Variants in CDH13 observed in about 807,000 individuals in gnomAD.
The protein encoded by CDH13 is cadherin 13, also known as cadherin-13.
In CDH13, 24 loss-of-function variants were observed where a neutral mutation model predicts 63.8. The ratio of observed to expected loss-of-function variants is 0.38; its 90% CI spans 0.27 to 0.53. The LOEUF is 0.53. Ranked by LOEUF, CDH13 falls within the 20% of genes least tolerant of loss-of-function variation. The probability of loss-of-function intolerance (pLI) is 0.85; values close to 1 mark genes in which losing one functional copy is unlikely to be tolerated. For synonymous variants in CDH13, 503 were observed against 355.3 expected (o/e 1.42, Z -4.67); for missense variants, 1,049 against 903.1 (o/e 1.16, Z -2.07).
intron 6 of CDH13, among the ~76,000 whole-genome samples, chr16:83,437,046 G>A (rs1293452763): frequency 6.6e-6 from 1 of 152,074 alleles, no homozygotes; most frequent in Non-Finnish European, 1.5e-5. Context: ...TCCCTTGGCT[G>A]TCCTTGAGGC....
At position 83,782,228 on chromosome 16, in the gene CDH13, A is replaced by T. The variant is rs948850644; in HGVS notation, c.1916-1026A>T. On this transcript the variant is annotated intron_variant, in intron 12 of 13. Coordinates refer to ENST00000567109, the MANE Select transcript of CDH13 (RefSeq NM_001257.5). ...CCCAGAAAGGGGCACTTAAAAATAC[A>T]TATGACCCTAATCATGTGAGTGACT... Among the ~76,000 whole-genome samples the T allele has an allele frequency of 2.0e-5, 3 of 152,180 alleles. No homozygotes were observed. The South Asian group carries it at 6.2e-4, about 31-fold the overall frequency.
At chr16:83,589,070 C>T (rs961833499) in intron 7 of CDH13, among the ~76,000 whole-genome samples, 1 of 152,204 alleles carries the variant, frequency 6.6e-6, no homozygotes. Flanking sequence ...TGGGCCAAAA[C>T]CGAGGTGTCA....
In CDH13 at chr16:83,757,856, T is replaced by C. The variant is rs532202276; in HGVS notation, c.1681+9606T>C. 2.8e-3 allele frequency among the ~76,000 whole-genome samples: 429 copies of C among 152,016 alleles called. 2 individuals are homozygous for C. The highest frequency in any genetic ancestry group is 4.6e-3 in the Non-Finnish European group (315 of 67,966). On this transcript the variant is annotated intron_variant, in intron 11 of 13. Coordinates refer to ENST00000567109, the MANE Select transcript of CDH13 (RefSeq NM_001257.5). The stretch of plus-strand genomic sequence containing the variant: ...AAATAACCTAAAAAGAGGCTGGGCA[T>C]GGTAGCTAATGCCTGTAATCCCAGC...
chr16:83,719,030 G>A (rs753102321), intron 10 of CDH13, among the ~76,000 whole-genome samples: 5 of 152,198 alleles, frequency 3.3e-5, no homozygotes, highest in Non-Finnish European at 7.3e-5. Context: ...CATTTGGCCT[G>A]ATATGCACTG....
At chr16:83,286,707 G>T (rs563786450) in intron 5 of CDH13, among the ~76,000 whole-genome samples, 18 of 149,832 alleles carry the variant, frequency 1.2e-4, no homozygotes, top group Non-Finnish European at 2.1e-4. Flanking sequence ...AGTGAACCAA[G>T]ATGGTACTAC....
chr16:83,261,782 C>T (rs1047928317), intron 5 of CDH13, among the ~76,000 whole-genome samples: 1 of 151,666 alleles, frequency 6.6e-6, no homozygotes, highest in African/African-American at 2.4e-5. Context: ...GAGCTTGAAC[C>T]CAGATCTGTG....
chr16:83,201,755 A>C (rs924669352), intron 4 of CDH13, among the ~76,000 whole-genome samples: 7 of 151,704 alleles, frequency 4.6e-5, no homozygotes, highest in South Asian at 2.1e-4. Context: ...AAAAAAAAAA[A>C]AAACACAAAA....
At chr16:82,938,669 T>C (rs1357551992) in intron 2 of CDH13, among the ~76,000 whole-genome samples, 4 of 152,074 alleles carry the variant, frequency 2.6e-5, no homozygotes, top group East Asian at 1.9e-4. Context: ...TGAGTGTGTA[T>C]AGTTTATTTA....
chr16:83,666,822 TACACACACACACATACAC>T (rs769608860), intron 8 of CDH13, among the ~76,000 whole-genome samples: 1 of 85,272 alleles, frequency 1.2e-5, no homozygotes, highest in South Asian at 4.2e-4. Flanking sequence ...CCTCCACACA[TACACACACACACATACAC>T]ACACACACAC....
At chr16:83,254,009 A>G (rs993218564) in intron 5 of CDH13, among the ~76,000 whole-genome samples, 1 of 152,216 alleles carries the variant, frequency 6.6e-6, no homozygotes, top group Non-Finnish European at 1.5e-5. Flanking sequence ...CGTGAGGCCA[A>G]GAGAATGTCT....
At chr16:83,504,035 T>C (rs546483479) in intron 7 of CDH13, among the ~76,000 whole-genome samples, 1 of 152,170 alleles carries the variant, frequency 6.6e-6, no homozygotes, top group Non-Finnish European at 1.5e-5. Context: ...TATGGGTTGA[T>C]GGGTGCAGCA....
At chr16:82,852,113 T>G (rs2039516662) in intron 1 of CDH13, among the ~76,000 whole-genome samples, 1 of 152,176 alleles carries the variant, frequency 6.6e-6, no homozygotes. Flanking sequence ...CTCAACCTCG[T>G]GAGATTAATT....
chr16:83,751,031 G>T (rs1248267020), intron 11 of CDH13, among the ~76,000 whole-genome samples: 1 of 152,024 alleles, frequency 6.6e-6, no homozygotes, highest in African/African-American at 2.4e-5. Context: ...GTGAGAAGTT[G>T]GGAAGTTGGT....
At chr16:83,076,619 T>C (rs2032861584) in intron 3 of CDH13, among the ~76,000 whole-genome samples, 1 of 151,822 alleles carries the variant, frequency 6.6e-6, no homozygotes, top group Non-Finnish European at 1.5e-5. Flanking sequence ...TTGCTTTATA[T>C]ATATAAATAT....
At chr16:83,303,632 G>C (rs967130240) in intron 5 of CDH13, among the ~76,000 whole-genome samples, 1 of 152,156 alleles carries the variant, frequency 6.6e-6, no homozygotes, top group African/African-American at 2.4e-5. Flanking sequence ...GGTATGGTTT[G>C]TAGGTAGATA....
At chr16:83,027,917 A>C (rs2151466331) in intron 2 of CDH13, among the ~76,000 whole-genome samples, 1 of 152,344 alleles carries the variant, frequency 6.6e-6, no homozygotes, top group South Asian at 2.1e-4. Flanking sequence ...TTAGACTTCA[A>C]ACTAGGGACT....
chr16:83,480,622 T>C (rs1383286092), intron 6 of CDH13, among the ~76,000 whole-genome samples: 18 of 152,182 alleles, frequency 1.2e-4, no homozygotes, highest in Non-Finnish European at 2.4e-4. Context: ...GGCAGTCTGC[T>C]GCTCATGACG....
intron 1 of CDH13, among the ~76,000 whole-genome samples, chr16:82,789,197 C>T (rs1393536132): frequency 6.6e-6 from 1 of 152,204 alleles, no homozygotes; most frequent in Non-Finnish European, 1.5e-5. Context: ...CTTGGTCATC[C>T]AGTCTCTGTG....
chr16:83,665,879 G>A (rs896074327), intron 8 of CDH13, among the ~76,000 whole-genome samples: 9 of 152,086 alleles, frequency 5.9e-5, no homozygotes. Flanking sequence ...TAAAATTCAA[G>A]TCCCTCTTCC....
Sources: allele counts gnomAD v4.1 joint callset (sites outside exome capture counted in the v4.1 genomes callset), GRCh38; gene constraint gnomAD v4.1.1; transcripts MANE v1.5; gene names NCBI Gene and HGNC (gene_info 2026-07-23, HGNC 2026-07-21).